Variants in CEP152 observed in about 807,000 individuals in gnomAD.
The protein encoded by CEP152 is centrosomal protein 152, also known as centrosomal protein of 152 kDa.
In CEP152, 132 loss-of-function variants were observed where a neutral mutation model predicts 188.9. The observed-to-expected ratio is 0.70, with a 90% CI of 0.61 to 0.81. The LOEUF (loss-of-function observed/expected upper bound fraction) is 0.81, where lower values mean the gene tolerates loss of function less well. Ranked by LOEUF, CEP152 falls within the 30% of genes least tolerant of loss-of-function variation. The probability of loss-of-function intolerance (pLI) is 0.00; values close to 1 mark genes in which losing one functional copy is unlikely to be tolerated. For missense variants in CEP152, 1,914 were observed against 1,969.8 expected (o/e 0.97, Z 0.54); for synonymous variants, 649 against 666.6 (o/e 0.97, Z 0.41).
At chr15:48,798,856 TAATTC>T (rs1197093444) in intron 2 of CEP152, among the ~76,000 whole-genome samples, 19 of 152,226 alleles carry the variant, frequency 1.2e-4, no homozygotes, top group African/African-American at 3.4e-4. Context: ...CTGTTAGACA[TAATTC>T]AATAACATTT....
chr15:48,795,014 C>T (rs1897210316), intron 6 of CEP152, among the ~76,000 whole-genome samples: 1 of 152,134 alleles, frequency 6.6e-6, no homozygotes, highest in Non-Finnish European at 1.5e-5. Context: ...TCCAGTATGA[C>T]CTTTCCCCTA....
chr15:48,730,580 A>C (rs1049262233), intron 2 of CEP152, among the ~76,000 whole-genome samples: 1 of 152,200 alleles, frequency 6.6e-6, no homozygotes, highest in Admixed American at 6.5e-5. Context: ...AGGGAAGCAA[A>C]GTGGAGGAAG....
At chr15:48,741,416 C>T in intron 26 of CEP152, 185 bp downstream of exon 26, 1 of 1,444,870 alleles carries the variant, frequency 6.9e-7, no homozygotes, top group South Asian at 1.4e-5. Flanking sequence ...TGGGCATGCT[C>T]AGTCTGCCTA....
chr15:48,787,162 C>CTTTTTT (rs1567018509), intron 9 of CEP152, among the ~76,000 whole-genome samples: 1 of 37,148 alleles, frequency 2.7e-5, no homozygotes, highest in Non-Finnish European at 6.8e-5. Flanking sequence ...GTATAGCCTT[C>CTTTTTT]GTTTTTTTTT....
Position 48,797,662 on chromosome 15 carries a change from T to C in CEP152, c.260A>G (p.Asn87Ser). 10 of 1,614,168 alleles carry C rather than the reference T, an allele frequency of 6.2e-6. No homozygotes were observed. The highest frequency in any genetic ancestry group is 8.5e-6 in the Non-Finnish European group (10 of 1,180,010). The change falls in exon 4 of 27, where the codon AAT (asparagine) becomes AGT (serine). Residue 87 changes from asparagine to serine, a missense_variant and splice_region_variant. By Grantham distance (46) the Asn-to-Ser change is conservative. Transcript: ENST00000380950. ...EQMLPKSQSV[N>S]GYNEIQSLYA... is the part of the protein sequence containing the mutation. ...GTCATCATCACACCAGATACTTACA[T>C]TTACACTTTGAGATTTGGGCAGCAT...
At chr15:48,740,869 G>T in intron 26 of CEP152, 1 of 208,626 alleles carries the variant, frequency 4.8e-6, no homozygotes, top group Non-Finnish European at 8.3e-6. Flanking sequence ...GGGGAAAGGA[G>T]GGGAGAAGAA....
intron 8 of CEP152, among the ~76,000 whole-genome samples, chr15:48,790,420 C>A (rs1289818115): frequency 3.9e-5 from 6 of 152,150 alleles, no homozygotes; most frequent in African/African-American, 1.4e-4. Context: ...ATAGCAAGTC[C>A]TCTGAAAAGG....
intron 9 of CEP152, among the ~76,000 whole-genome samples, chr15:48,787,162 C>CTTTTTTTTTTTT (rs1567018509): frequency 1.6e-4 from 6 of 37,158 alleles, no homozygotes; most frequent in Admixed American, 3.2e-4. Flanking sequence ...GTATAGCCTT[C>CTTTTTTTTTTTT]GTTTTTTTTT....
intron 13 of CEP152, among the ~76,000 whole-genome samples, chr15:48,772,019 G>T (rs1173018950): frequency 1.3e-5 from 2 of 152,148 alleles, no homozygotes; most frequent in African/African-American, 2.4e-5. Context: ...CTAAGTCAGG[G>T]ACTGTCAGTA....
At chr15:48,785,134 A>T (rs1430176208) in intron 9 of CEP152, among the ~76,000 whole-genome samples, 2 of 152,198 alleles carry the variant, frequency 1.3e-5, no homozygotes, top group Admixed American at 1.3e-4. Flanking sequence ...TTGCTGCCTG[A>T]TCTGTAGTAT....
At chr15:48,796,852 A>G (rs1456378939) in intron 5 of CEP152, among the ~76,000 whole-genome samples, 2 of 152,174 alleles carry the variant, frequency 1.3e-5, no homozygotes, top group African/African-American at 4.8e-5. Context: ...CAATAGAGAT[A>G]TCAGCTTTGA....
At chr15:48,734,267 G>T (rs529707611), downstream of CEP152, among the ~76,000 whole-genome samples, 1 of 150,574 alleles carries the variant, frequency 6.6e-6, no homozygotes, top group South Asian at 2.1e-4. Flanking sequence ...CAAAGGAGGG[G>T]CAAGGAAATG....
chr15:48,782,139 T>C lies in CEP152; in HGVS notation c.1413A>G (p.Gln471=), dbSNP rs1186026686. Residue 471 remains glutamine (Q), a splice_region_variant and synonymous_variant, in exon 11 of 27, where the codon CAA becomes CAG. Coordinates refer to ENST00000380950, the MANE Select transcript of CEP152 (RefSeq NM_001194998.2). The stretch of plus-strand genomic sequence containing the variant: ...GCCTCTTCCAAGTGGCAACACTCAC[T>C]TGCAAAGCCTTGTTCATGTTTGCAC... ...AMSANMNKAL[Q]EELTELKDEI... The C allele has an allele frequency of 6.2e-7, 1 of 1,613,374 alleles. No individual in the cohort carries two copies. Among genetic ancestry groups the C allele is most frequent in the Non-Finnish European group, 8.5e-7 (1 of 1,179,534 alleles).
chr15:48,751,996 G>C (rs982931968), intron 21 of CEP152, among the ~76,000 whole-genome samples: 13 of 152,182 alleles, frequency 8.5e-5, no homozygotes, highest in Non-Finnish European at 1.8e-4. Context: ...CCATTAAAAA[G>C]TGATTGAAAT....
At chr15:48,742,356 C>A (rs1229351988) in intron 24 of CEP152, among the ~76,000 whole-genome samples, 1 of 152,092 alleles carries the variant, frequency 6.6e-6, no homozygotes, top group Admixed American at 6.5e-5. Context: ...TATTCCCCAG[C>A]TAAATTTTGT....
At chr15:48,759,392 C>T (rs1376906716) in intron 19 of CEP152, among the ~76,000 whole-genome samples, 1 of 152,144 alleles carries the variant, frequency 6.6e-6, no homozygotes, top group African/African-American at 2.4e-5. Flanking sequence ...AATAATTCCT[C>T]ATTCCCTTGT....
At chr15:48,753,134 T>A (rs914205426) in intron 20 of CEP152, among the ~76,000 whole-genome samples, 2 of 152,120 alleles carry the variant, frequency 1.3e-5, no homozygotes, top group African/African-American at 4.8e-5. Flanking sequence ...ATCAATGGAT[T>A]TTTCATTTTT....
intron 12 of CEP152, among the ~76,000 whole-genome samples, chr15:48,773,084 A>C (rs1895670220): frequency 6.6e-6 from 1 of 152,184 alleles, no homozygotes; most frequent in African/African-American, 2.4e-5. Context: ...CCTAACCAAC[A>C]ATTTCTGTTA....
Position 48,805,667 on chromosome 15 carries a change from G to C in CEP152, c.-7-11C>G, listed in dbSNP as rs1354754100. On this transcript the variant is annotated splice_polypyrimidine_tract_variant and intron_variant, in intron 1 of 26. Transcript: ENST00000380950. Reference sequence around the variant, plus strand: ...AATGACATGGTCCTCCTGTGGGAAGGGAAAGATGTTTGGTTTCTGGACACC... The same window carrying C: ...AATGACATGGTCCTCCTGTGGGAAGCGAAAGATGTTTGGTTTCTGGACACC... 5.0e-6 allele frequency: 8 copies of C among 1,613,054 alleles called. No individual in the cohort carries two copies. Among genetic ancestry groups the C allele is most frequent in the Non-Finnish European group, 6.8e-6 (8 of 1,179,698 alleles).
Sources: allele counts gnomAD v4.1 joint callset (sites outside exome capture counted in the v4.1 genomes callset), GRCh38; gene constraint gnomAD v4.1.1; transcripts MANE v1.5; gene names NCBI Gene and HGNC (gene_info 2026-07-23, HGNC 2026-07-21).